Variants in CDK5RAP2 observed in about 807,000 individuals in gnomAD.
CDK5RAP2 encodes the protein CDK5 regulatory subunit-associated protein 2.
Under a neutral mutation model 232.9 loss-of-function variants are expected in CDK5RAP2, and 147 were observed. That is an observed-to-expected ratio of 0.63 (90% CI 0.55 to 0.72). The LOEUF (loss-of-function observed/expected upper bound fraction) is 0.72. Ranked by LOEUF, CDK5RAP2 falls within the 30% of genes least tolerant of loss-of-function variation. CDK5RAP2 has a pLI of 0.00. For synonymous variants in CDK5RAP2, 833 were observed against 833.7 expected (o/e 1.00, Z 0.01); for missense variants, 2,195 against 2,231.5 (o/e 0.98, Z 0.33).
intron 13 of CDK5RAP2, among the ~76,000 whole-genome samples, chr9:120,489,958 C>A (rs898383131): frequency 5.9e-5 from 9 of 152,134 alleles, no homozygotes; most frequent in African/African-American, 2.2e-4. Context: ...CAGGCATGCA[C>A]CACCACACCT....
intron 21 of CDK5RAP2, among the ~76,000 whole-genome samples, chr9:120,448,525 C>G (rs1463882732): frequency 2.0e-5 from 3 of 152,202 alleles, no homozygotes; most frequent in Non-Finnish European, 4.4e-5. Context: ...CAGAACCACC[C>G]CTTACTTTGG....
At chr9:120,524,470 G>A (rs190667340) in intron 11 of CDK5RAP2, among the ~76,000 whole-genome samples, 43 of 152,136 alleles carry the variant, frequency 2.8e-4, no homozygotes, top group Non-Finnish European at 5.6e-4. Context: ...GTGAAACCCC[G>A]GCTCAAGTAA....
rs1554773975 is a variant in CDK5RAP2, at chr9:120,527,519, G to GGAT, written c.999+286_999+287insATC. On this transcript the variant is annotated intron_variant, in intron 10 of 37. Coordinates refer to ENST00000349780, the MANE Select transcript of CDK5RAP2 (RefSeq NM_018249.6). ...ATGAAATGATTATGTTTTGGGGGGG[G>GGAT]ATATATATATAATTAAAATTAATTT... Among the ~76,000 whole-genome samples the GGAT allele has an allele frequency of 1.3e-4, 20 of 150,868 alleles. No homozygotes were observed. The East Asian group carries it at 2.7e-3, about 20-fold the overall frequency.
intron 12 of CDK5RAP2, among the ~76,000 whole-genome samples, chr9:120,497,493 G>A (rs1442993305): frequency 7.3e-6 from 1 of 136,870 alleles, no homozygotes; most frequent in East Asian, 2.3e-4. Context: ...AAAGTATGAC[G>A]AGAAGCAGGA....
chr9:120,477,457 A>AG lies in CDK5RAP2; in HGVS notation c.1627-8_1627-7insC, dbSNP rs762898675. 2 of 1,597,880 alleles carry AG rather than the reference A, an allele frequency of 1.3e-6. No homozygotes were observed. The highest frequency in any genetic ancestry group is 2.2e-5 in the South Asian group (2 of 90,746). ...CTGATGATTGTTTCTTTTCCTGGAA[A>AG]TGACAATGGGCATTTGACATTAAGG... On this transcript the variant is annotated splice_polypyrimidine_tract_variant and splice_region_variant and intron_variant, in intron 14 of 37. Coordinates refer to ENST00000349780, the MANE Select transcript of CDK5RAP2 (RefSeq NM_018249.6).
chr9:120,534,148 A>G (rs190395707), intron 7 of CDK5RAP2, among the ~76,000 whole-genome samples: 1 of 151,986 alleles, frequency 6.6e-6, no homozygotes, highest in East Asian at 1.9e-4. Flanking sequence ...TTAGGATAAA[A>G]CTCAAATTCT....
chr9:120,437,606 G>A, intron 24 of CDK5RAP2, 79 bp from the exon 25 acceptor site: 1 of 1,033,664 alleles, frequency 9.7e-7, no homozygotes, highest in Non-Finnish European at 1.5e-6. Flanking sequence ...TTGGAAAAAT[G>A]ACAGAGTACA....
At chr9:120,438,171 C>T (rs1798040946) in intron 24 of CDK5RAP2, among the ~76,000 whole-genome samples, 1 of 152,180 alleles carries the variant, frequency 6.6e-6, no homozygotes, top group Non-Finnish European at 1.5e-5. Context: ...TGCAATATTA[C>T]CTTTTTACCG....
rs2035786120 is a variant in CDK5RAP2 at position 120,439,703 on chromosome 9, T to C, written c.3418A>G (p.Ser1140Gly). Residue 1140 changes from serine to glycine, a missense_variant, in exon 24 of 38, where the codon AGT (serine) becomes GGT (glycine). Ser to Gly is a moderately conservative substitution (Grantham distance 56). Transcript: ENST00000349780. ...IFQLQKHSQC[S>G]EAIITVLCGT... The stretch of plus-strand genomic sequence containing the variant: ...CACAAAACTGTAATTATGGCCTCAC[T>C]GCACTGGGAGTGCTTTTGAAGCTGA... The C allele has an allele frequency of 1.2e-6, 2 of 1,614,250 alleles. No homozygotes were observed. The highest frequency in any genetic ancestry group is 1.7e-6 in the Non-Finnish European group (2 of 1,180,030).
Position 120,539,194 on chromosome 9 carries a change from G to C in CDK5RAP2, c.384-30C>G, listed in dbSNP as rs746541664. On this transcript the variant is annotated intron_variant, in intron 5 of 37. Transcript: ENST00000349780. Reference sequence around the variant, plus strand: ...AAAAAGAGGCACAGGGGTAAAACATGCAAGGGTGATGGTCTGATGGTTATT... The same window carrying C: ...AAAAAGAGGCACAGGGGTAAAACATCCAAGGGTGATGGTCTGATGGTTATT... 1.9e-6 allele frequency: 3 copies of C among 1,613,310 alleles called. No homozygotes were observed. The Admixed American group carries it at 5.0e-5, about 27-fold the overall frequency.
In CDK5RAP2 at chr9:120,402,595, T is replaced by C. The variant is rs566625846; in HGVS notation, c.5307+211A>G. Among the ~76,000 whole-genome samples the C allele has an allele frequency of 6.6e-5, 10 of 152,250 alleles. 1 individual carries two copies. The South Asian group carries it at 1.7e-3, about 25-fold the overall frequency. ...CAAGACAGCAGAGCCCATGGAGCAG[T>C]TGCAGGAACACAAGGCACAAACCCC... On this transcript the variant is annotated intron_variant, in intron 34 of 37. Transcript: ENST00000349780.
Position 120,423,203 on chromosome 9 carries a change from A to G in CDK5RAP2, c.3956-462T>C, listed in dbSNP as rs375983445. Reference sequence around the variant, plus strand: ...CACTTAGTATATTATTATTATAGCCATTTCTCTTACTAAATTTGCTTCCGA... The same window carrying G: ...CACTTAGTATATTATTATTATAGCCGTTTCTCTTACTAAATTTGCTTCCGA... On this transcript the variant is annotated intron_variant, in intron 25 of 37. Transcript: ENST00000349780. Among the ~76,000 whole-genome samples the G allele has an allele frequency of 1.6e-4, 24 of 152,240 alleles. No homozygotes were observed. The South Asian group carries it at 4.6e-3, about 29-fold the overall frequency.
intron 1 of CDK5RAP2, among the ~76,000 whole-genome samples, chr9:120,573,348 A>G (rs1202267249): frequency 6.6e-6 from 1 of 152,192 alleles, no homozygotes; most frequent in East Asian, 1.9e-4. Flanking sequence ...CAGGAGTTCG[A>G]GACCAGCCTG....
intron 28 of CDK5RAP2, among the ~76,000 whole-genome samples, chr9:120,413,707 AG>A (rs1036608489): frequency 6.6e-6 from 1 of 152,162 alleles, no homozygotes; most frequent in African/African-American, 2.4e-5. Flanking sequence ...TGAAGGGCCC[AG>A]GCGTGTATTT....
At chr9:120,512,042 T>C (rs1240136151) in intron 12 of CDK5RAP2, among the ~76,000 whole-genome samples, 1 of 151,066 alleles carries the variant, frequency 6.6e-6, no homozygotes, top group African/African-American at 2.4e-5. Context: ...CCGGCCACAA[T>C]GTGCATTTTT....
At chr9:120,537,429 C>T (rs556170972) in intron 6 of CDK5RAP2, among the ~76,000 whole-genome samples, 22 of 152,258 alleles carry the variant, frequency 1.4e-4, no homozygotes, top group African/African-American at 4.6e-4. Context: ...GGCTTCCTGT[C>T]ACTCTCAATG....
chr9:120,465,803 T>A (rs1229924000), intron 18 of CDK5RAP2, among the ~76,000 whole-genome samples: 1 of 151,974 alleles, frequency 6.6e-6, no homozygotes, highest in Non-Finnish European at 1.5e-5. Flanking sequence ...AACCTACATG[T>A]CCAACAGCAG....
rs2032301542 is a variant in CDK5RAP2, at chr9:120,394,637, A to G, written c.5453T>C (p.Ile1818Thr). ...DGQCPLHCEQ[I>T]GEMKAEVTKL... The stretch of plus-strand genomic sequence containing the variant: ...GGTGACCTCTGCCTTCATTTCTCCA[A>G]TCTAAAGAGAAGAGAAATTAGAAAA... Residue 1818 changes from isoleucine to threonine, a missense_variant and splice_region_variant, in exon 36 of 38, where the codon ATT becomes ACT. By Grantham distance (89) the Ile-to-Thr change is moderately conservative. Transcript: ENST00000349780. The G allele has an allele frequency of 1.2e-6, 2 of 1,607,676 alleles. No individual in the cohort carries two copies. The highest frequency in any genetic ancestry group is 1.1e-5 in the South Asian group (1 of 90,934).
intron 1 of CDK5RAP2, among the ~76,000 whole-genome samples, chr9:120,576,122 A>C (rs752953946): frequency 5.3e-5 from 8 of 152,182 alleles, no homozygotes; most frequent in African/African-American, 9.7e-5. Context: ...ATACTTTTGA[A>C]AGGATGTGTA....
Sources: allele counts gnomAD v4.1 joint callset (sites outside exome capture counted in the v4.1 genomes callset), GRCh38; gene constraint gnomAD v4.1.1; transcripts MANE v1.5; gene names NCBI Gene and HGNC (gene_info 2026-07-23, HGNC 2026-07-21).